ASB3: variants seen among roughly 807,000 people sequenced by gnomAD.
ASB3 encodes the protein ankyrin repeat and SOCS box containing 3, also known as ankyrin repeat and SOCS box protein 3.
ASB3 carries 41 observed loss-of-function variants against 54.5 expected under a neutral mutation model. That is an observed-to-expected ratio of 0.75 (90% CI 0.59 to 0.98). The LOEUF is 0.98. ASB3 is among the 50% of genes least tolerant of loss of function. ASB3 has a pLI of 0.00. For synonymous variants in ASB3, 266 were observed against 221.2 expected (o/e 1.20, Z -1.80); for missense variants, 733 against 620.0 (o/e 1.18, Z -1.94).
intron 7 of ASB3, 51 bp from the exon 8 acceptor site, chr2:53,700,579 A>G: frequency 6.4e-7 from 1 of 1,552,482 alleles, no homozygotes; most frequent in Non-Finnish European, 8.6e-7. Context: ...ACTTTGACAT[A>G]AGATACTTCT....
chr2:53,709,681 A>C (rs1461094332), intron 7 of ASB3, among the ~76,000 whole-genome samples: 1 of 152,192 alleles, frequency 6.6e-6, no homozygotes, highest in Middle Eastern at 3.2e-3. Flanking sequence ...ATATGTTTGA[A>C]AATTTCAAAA....
At chr2:53,727,069 G>A (rs1247328460) in intron 5 of ASB3, among the ~76,000 whole-genome samples, 1 of 152,208 alleles carries the variant, frequency 6.6e-6, no homozygotes, top group African/African-American at 2.4e-5. Context: ...AAGATCAGAA[G>A]TCAGAAGGCC....
At chr2:53,670,767 TC>T in intron 9 of ASB3, 77 bp from the exon 10 acceptor site, 1 of 1,463,084 alleles carries the variant, frequency 6.8e-7, no homozygotes, top group Non-Finnish European at 9.1e-7. Flanking sequence ...AATTTTTTTT[TC>T]CCCCAACTCT....
intron 7 of ASB3, among the ~76,000 whole-genome samples, chr2:53,712,404 A>C (rs1670151153): frequency 6.6e-6 from 1 of 152,160 alleles, no homozygotes; most frequent in South Asian, 2.1e-4. Context: ...ATGGTCAATT[A>C]GTGTTACTGA....
At chr2:53,769,739 T>TCTGGAGGCTGAGG (rs2104131332) in intron 1 of ASB3, among the ~76,000 whole-genome samples, 2 of 152,262 alleles carry the variant, frequency 1.3e-5, no homozygotes, top group East Asian at 3.9e-4. Flanking sequence ...TCCCAGCTAC[T>TCTGGAGGCTGAGG]CTGGAGGCTG....
intron 2 of ASB3, among the ~76,000 whole-genome samples, chr2:53,754,420 G>A (rs941680275): frequency 2.6e-5 from 4 of 152,138 alleles, no homozygotes; most frequent in Non-Finnish European, 5.9e-5. Flanking sequence ...AAAATCTCCT[G>A]TGTGATTATA....
chr2:53,760,088 T>C (rs1673060614), intron 2 of ASB3, among the ~76,000 whole-genome samples: 1 of 152,200 alleles, frequency 6.6e-6, no homozygotes, highest in African/African-American at 2.4e-5. Context: ...CGAACTTTAC[T>C]CTTTTCACAT....
chr2:53,744,449 C>T (rs763723111), intron 3 of ASB3, among the ~76,000 whole-genome samples: 97 of 150,858 alleles, frequency 6.4e-4, no homozygotes, highest in Non-Finnish European at 8.7e-4. Context: ...GTATCAAGAA[C>T]CATAAAACTA....
intron 9 of ASB3, among the ~76,000 whole-genome samples, chr2:53,681,352 T>C (rs902447754): frequency 6.6e-6 from 1 of 152,226 alleles, no homozygotes; most frequent in African/African-American, 2.4e-5. Context: ...TCCTTTGCTG[T>C]GCATCAGAAA....
chr2:53,700,178 C>T, intron 8 of ASB3, 93 bp downstream of exon 8: 2 of 1,525,348 alleles, frequency 1.3e-6, no homozygotes, highest in Non-Finnish European at 1.8e-6. Flanking sequence ...AACACAGATA[C>T]CCTTCTCCAA....
Position 53,729,645 on chromosome 2 carries a change from C to G in ASB3, c.356-75G>C, listed in dbSNP as rs1558544389. ...TAGGACTGGACACTTTGGTGATGTTCTCATCACTTACTCACCTCAGAACCA... is the reference window on the plus strand; with the variant it reads ...TAGGACTGGACACTTTGGTGATGTTGTCATCACTTACTCACCTCAGAACCA... On this transcript the variant is annotated intron_variant, in intron 3 of 9. Transcript: ENST00000263634. The G allele has an allele frequency of 4.0e-6, 5 of 1,255,282 alleles. No homozygotes were observed. In the East Asian group the frequency reaches 9.4e-5, roughly 23 times the overall value. 77.8% of individuals were successfully genotyped at this position (1,255,282 alleles called of 1,614,324 possible). A position where few individuals can be genotyped will look rare whatever the true frequency, so the allele number is the denominator to read the frequency against.
chr2:53,771,765 TAAAAAATAACTATGCTTAAGAA>T, intron 1 of ASB3: 1 of 675,320 alleles, frequency 1.5e-6, no homozygotes, highest in Non-Finnish European at 2.7e-6. Flanking sequence ...AGCTTTATCA[TAAAAAATAACTATGCTTAAGAA>T]ATAGTGCTTC....
At chr2:53,702,342 T>C (rs1297022052) in intron 7 of ASB3, among the ~76,000 whole-genome samples, 1 of 152,212 alleles carries the variant, frequency 6.6e-6, no homozygotes, top group Non-Finnish European at 1.5e-5. Context: ...CTCAAATACA[T>C]GTGCACACTA....
At chr2:53,777,861 T>A (rs1010478855) in intron 1 of ASB3, among the ~76,000 whole-genome samples, 3 of 152,176 alleles carry the variant, frequency 2.0e-5, no homozygotes, top group African/African-American at 7.2e-5. Context: ...GTGTAAGCAA[T>A]CTTGGCCAGG....
chr2:53,769,875 G>C (rs922760183), intron 1 of ASB3, among the ~76,000 whole-genome samples: 2 of 152,096 alleles, frequency 1.3e-5, no homozygotes, highest in African/African-American at 2.4e-5. Flanking sequence ...GTGTCTTTCT[G>C]ATCACCTAAG....
At chr2:53,686,287 A>T (rs1668627189) in intron 9 of ASB3, among the ~76,000 whole-genome samples, 1 of 152,196 alleles carries the variant, frequency 6.6e-6, no homozygotes, top group African/African-American at 2.4e-5. Context: ...CATGAAAGAC[A>T]AATCATAGAG....
chr2:53,760,732 A>G (rs1182436865), intron 2 of ASB3, among the ~76,000 whole-genome samples: 1 of 152,182 alleles, frequency 6.6e-6, no homozygotes, highest in East Asian at 1.9e-4. Flanking sequence ...CCTTTTCAAA[A>G]CTATCAAGCA....
chr2:53,671,034 C>A (rs1401471983), intron 9 of ASB3, among the ~76,000 whole-genome samples: 3 of 152,194 alleles, frequency 2.0e-5, no homozygotes, highest in African/African-American at 7.2e-5. Flanking sequence ...ATGCTACCTT[C>A]CTCTTAATCT....
intron 3 of ASB3, among the ~76,000 whole-genome samples, chr2:53,734,096 C>T (rs541182265): frequency 2.0e-4 from 30 of 152,310 alleles, no homozygotes; most frequent in African/African-American, 6.5e-4. Flanking sequence ...GCCCTCATTC[C>T]GGTAAACCCA....
Sources: allele counts gnomAD v4.1 joint callset (sites outside exome capture counted in the v4.1 genomes callset), GRCh38; gene constraint gnomAD v4.1.1; transcripts MANE v1.5; gene names NCBI Gene and HGNC (gene_info 2026-07-23, HGNC 2026-07-21).